The following MAB21L1 variants were observed in gnomAD, a reference collection of about 807,000 sequenced individuals.
MAB21L1 encodes mab-21 like 1, also known as putative nucleotidyltransferase MAB21L1.
A neutral mutation model predicts 28.9 loss-of-function variants in MAB21L1; 8 were observed. The observed-to-expected ratio is 0.28, with a 90% CI of 0.16 to 0.50. The LOEUF (loss-of-function observed/expected upper bound fraction) is 0.50, where lower values mean the gene tolerates loss of function less well. MAB21L1 is among the 20% of genes least tolerant of loss of function. MAB21L1 has a pLI of 0.98. For synonymous variants in MAB21L1, 219 were observed against 198.2 expected, an observed-to-expected ratio of 1.10 and a Z score of -0.88; for missense variants, 388 against 466.5, an observed-to-expected ratio of 0.83 and a Z score of 1.55.
rs1326154978 is a variant in MAB21L1 at position 35,476,234 on chromosome 13, C to T, written c.-96G>A. ...GCTGGAGCCAACTTCGGTGGAGAAA[C>T]GGGCCGCAACACTCAGAAATGGATC... is the stretch of plus-strand genomic sequence containing the variant. On this transcript the variant is annotated 5_prime_UTR_variant, in exon 1 of 1. Coordinates refer to ENST00000379919, the MANE Select transcript of MAB21L1 (RefSeq NM_005584.5). 2 of 1,574,880 alleles carry T rather than the reference C, an allele frequency of 1.3e-6. No homozygotes were observed. Among genetic ancestry groups the T allele is most frequent in the Admixed American group, 3.4e-5 (2 of 59,386 alleles).
At position 35,476,254 on chromosome 13, in the gene MAB21L1, T is replaced by C. The variant is rs1389100222; in HGVS notation, c.-116A>G. The C allele has an allele frequency of 1.3e-6, 2 of 1,532,088 alleles. No individual in the cohort carries two copies. The highest frequency in any genetic ancestry group is 1.8e-6 in the Non-Finnish European group (2 of 1,110,854). 94.9% of individuals were successfully genotyped at this position (1,532,088 alleles called of 1,614,324 possible). On this transcript the variant is annotated 5_prime_UTR_variant, in exon 1 of 1. Coordinates refer to ENST00000379919, the MANE Select transcript of MAB21L1 (RefSeq NM_005584.5). ...AGAAACGGGCCGCAACACTCAGAAA[T>C]GGATCAAAAATGCCTTTCGGAAGTG...
In MAB21L1 at chr13:35,474,781, T is replaced by C. The variant is rs1380998872; in HGVS notation, c.*278A>G. 8.2e-6 allele frequency: 3 copies of C among 364,516 alleles called. No individual in the cohort carries two copies. Among genetic ancestry groups the C allele is most frequent in the African/African-American group, 4.1e-5 (2 of 48,226 alleles). The allele number at this position is 364,516 out of a possible 1,614,324, so 22.6% of individuals were successfully genotyped here. On this transcript the variant is annotated 3_prime_UTR_variant, in exon 1 of 1. Transcript: ENST00000379919. The stretch of plus-strand genomic sequence containing the variant: ...GGTCTGGCGTTACAGCTGGGCTGTT[T>C]ACGGAGTGTTACGGTGTACTTTTCA...
In MAB21L1 at chr13:35,476,452, T is replaced by A. The variant is rs1366202942; in HGVS notation, c.-314A>T. The A allele has an allele frequency of 2.3e-6, 2 of 884,894 alleles. No individual in the cohort carries two copies. The highest frequency in any genetic ancestry group is 3.7e-6 in the Non-Finnish European group (2 of 545,716). The allele number at this position is 884,894 out of a possible 1,614,324, so 54.8% of individuals were successfully genotyped here. ...CTCTTCCTCTTTTAAAGAATCCTTGTGTGAGAGAACCGCATGGAGAGATCA... is the reference window on the plus strand; with the variant it reads ...CTCTTCCTCTTTTAAAGAATCCTTGAGTGAGAGAACCGCATGGAGAGATCA... On this transcript the variant is annotated 5_prime_UTR_variant, in exon 1 of 1. Coordinates refer to ENST00000379919, the MANE Select transcript of MAB21L1 (RefSeq NM_005584.5).
Position 35,476,058 on chromosome 13 carries a change from A to C in MAB21L1, c.81T>G (p.Ile27Met). The C allele has an allele frequency of 6.2e-7, 1 of 1,614,210 alleles. No homozygotes were observed. Among genetic ancestry groups the C allele is most frequent in the Non-Finnish European group, 8.5e-7 (1 of 1,180,038 alleles). ...NEKCQARKAA[I>M]AKTIREVCKV... is the part of the protein sequence containing the mutation. ...TGCAGACTTCCCGGATAGTTTTGGC[A>C]ATGGCAGCTTTCCTGGCTTGGCATT... The change falls in exon 1 of 1, where the codon ATT becomes ATG. Residue 27 changes from isoleucine to methionine, a missense_variant. Coordinates refer to ENST00000379919, the MANE Select transcript of MAB21L1 (RefSeq NM_005584.5).
Position 35,476,378 on chromosome 13 carries a change from G to T in MAB21L1, c.-240C>A. Reference sequence around the variant, plus strand: ...GCTTTTCCCTTCCTTTTATCTTTGAGCCCAGCCGTTCTTAAAGTGAAAGAC... The same window carrying T: ...GCTTTTCCCTTCCTTTTATCTTTGATCCCAGCCGTTCTTAAAGTGAAAGAC... On this transcript the variant is annotated 5_prime_UTR_variant, in exon 1 of 1. Transcript: ENST00000379919. The T allele has an allele frequency of 1.7e-6, 2 of 1,154,378 alleles. No individual in the cohort carries two copies. Among genetic ancestry groups the T allele is most frequent in the Admixed American group, 2.0e-5 (1 of 48,914 alleles). 71.5% of individuals were successfully genotyped at this position (1,154,378 alleles called of 1,614,324 possible). A position where few individuals can be genotyped will look rare whatever the true frequency, so the allele number is the denominator to read the frequency against.
rs1043071827 is a variant in MAB21L1, at chr13:35,476,394, A to C, written c.-256T>G. On this transcript the variant is annotated 5_prime_UTR_variant, in exon 1 of 1. Transcript: ENST00000379919. ...TATCTTTGAGCCCAGCCGTTCTTAA[A>C]GTGAAAGACTGTCCTCCCCCCTCTG... is the stretch of plus-strand genomic sequence containing the variant. The C allele has an allele frequency of 4.6e-6, 5 of 1,098,060 alleles. No homozygotes were observed. The highest frequency in any genetic ancestry group is 6.8e-6 in the Non-Finnish European group (5 of 734,708). 68.0% of individuals were successfully genotyped at this position (1,098,060 alleles called of 1,614,324 possible). A position where few individuals can be genotyped will look rare whatever the true frequency, so the allele number is the denominator to read the frequency against.
In MAB21L1 at chr13:35,476,315, C is replaced by CTGCTGCTGCTGT; in HGVS notation, c.-178_-177insACAGCAGCAGCA. ...GGTTTCCCTGCTGCTGCTGCTGCTG[C>CTGCTGCTGCTGT]TGCTGCTGCTGCTGCTGCTGCTGCT... is the stretch of plus-strand genomic sequence containing the variant. On this transcript the variant is annotated 5_prime_UTR_variant, in exon 1 of 1. Transcript: ENST00000379919. 1 of 924,158 alleles carries CTGCTGCTGCTGT rather than the reference C, an allele frequency of 1.1e-6. No homozygotes were observed. The highest frequency in any genetic ancestry group is 1.8e-5 in the South Asian group (1 of 56,240). The allele number at this position is 924,158 out of a possible 1,614,324, so 57.2% of individuals were successfully genotyped here. A position where few individuals can be genotyped will look rare whatever the true frequency, so the allele number is the denominator to read the frequency against.
Position 35,475,017 on chromosome 13 carries a change from T to A in MAB21L1, c.*42A>T. On this transcript the variant is annotated 3_prime_UTR_variant, in exon 1 of 1. Transcript: ENST00000379919. Reference sequence around the variant, plus strand: ...ACAGAAGTTTACACTTAATAAGGACTTTGAGAAGGGTAATAATTTCGGCTC... The same window carrying A: ...ACAGAAGTTTACACTTAATAAGGACATTGAGAAGGGTAATAATTTCGGCTC... The A allele has an allele frequency of 6.3e-7, 1 of 1,580,794 alleles. No individual in the cohort carries two copies. Among genetic ancestry groups the A allele is most frequent in the Non-Finnish European group, 8.6e-7 (1 of 1,162,290 alleles).
rs879091724 is a variant in MAB21L1 at position 35,474,697 on chromosome 13, T to G, written c.*362A>C. On this transcript the variant is annotated 3_prime_UTR_variant, in exon 1 of 1. Transcript: ENST00000379919. ...CAAATCGTGTTTACTCACAGACAGA[T>G]GCACCTAAATCACCAGGATTGCTAT... 1.0e-5 allele frequency: 2 copies of G among 191,764 alleles called. No homozygotes were observed. The highest frequency in any genetic ancestry group is 1.1e-4 in the Admixed American group (2 of 18,478). The allele number at this position is 191,764 out of a possible 1,614,324, so 11.9% of individuals were successfully genotyped here. A position where few individuals can be genotyped will look rare whatever the true frequency, so the allele number is the denominator to read the frequency against.
At position 35,475,408 on chromosome 13, in the gene MAB21L1, C is replaced by G. The variant is rs45556438; in HGVS notation, c.731G>C (p.Gly244Ala). The part of the protein sequence containing the change: ...FAEAENRLQM[G>A]GCRKKCLSIL... The stretch of plus-strand genomic sequence containing the variant: ...GGAGAGGCACTTCTTTCTGCAGCCC[C>G]CCATCTGCAGTCTGTTCTCTGCCTC... The change falls in exon 1 of 1, where the codon GGG becomes GCG. Residue 244 changes from glycine (G) to alanine (A), a missense_variant. Around this residue, in one of 3 missense-constraint regions of MAB21L1, gnomAD observed 218 missense variants for 220.6 expected, o/e 0.99. Transcript: ENST00000379919. 338 of 1,613,612 alleles carry G rather than the reference C, an allele frequency of 2.1e-4. No homozygotes were observed. The highest frequency in any genetic ancestry group is 2.5e-4 in the Non-Finnish European group (298 of 1,179,988).
At position 35,475,287 on chromosome 13, in the gene MAB21L1, C is replaced by T. The variant is rs150872535; in HGVS notation, c.852G>A (p.Lys284=). 8.1e-6 allele frequency: 13 copies of T among 1,614,044 alleles called. No homozygotes were observed. The Admixed American group carries it at 1.7e-4, about 21-fold the overall frequency. ...MKTLVSYECE[K]HPRESDWDES... Reference sequence around the variant, plus strand: ...CGTCCCAGTCCGACTCTCGGGGATGCTTTTCACACTCGTAGGAAACCAGAG... The same window carrying T: ...CGTCCCAGTCCGACTCTCGGGGATGTTTTTCACACTCGTAGGAAACCAGAG... The change falls in exon 1 of 1, where the codon AAG becomes AAA. Residue 284 remains lysine (K), a synonymous_variant. Coordinates refer to ENST00000379919, the MANE Select transcript of MAB21L1 (RefSeq NM_005584.5).
Position 35,476,557 on chromosome 13 carries a change from G to A in MAB21L1, c.-419C>T. 1 of 580,678 alleles carries A rather than the reference G, an allele frequency of 1.7e-6. No individual in the cohort carries two copies. The highest frequency in any genetic ancestry group is 3.0e-5 in the Admixed American group (1 of 32,982). 36.0% of individuals were successfully genotyped at this position (580,678 alleles called of 1,614,324 possible). A position where few individuals can be genotyped will look rare whatever the true frequency, so the allele number is the denominator to read the frequency against. On this transcript the variant is annotated 5_prime_UTR_variant, in exon 1 of 1. In the 5' UTR this introduces an upstream ATG that the reference lacks. Transcript: ENST00000379919. ...GTAGTCAAAATAAGCACCCCTTTCC[G>A]TATTTATTTGCGCTTTCCCGTAATC...
Position 35,474,095 on chromosome 13 carries a change from T to C in MAB21L1, c.*964A>G, listed in dbSNP as rs1010482414. 2 of 152,242 alleles carry C rather than the reference T, an allele frequency of 1.3e-5. No individual in the cohort carries two copies. Among genetic ancestry groups the C allele is most frequent in the African/African-American group, 2.4e-5 (1 of 41,442 alleles). 9.4% of individuals were successfully genotyped at this position (152,242 alleles called of 1,614,324 possible). ...TCTCCAATGTTTTATTTTTAAGGAT[T>C]TCATTAGCATATTTCTCAAAATATT... is the stretch of plus-strand genomic sequence containing the variant. On this transcript the variant is annotated 3_prime_UTR_variant, in exon 1 of 1. Coordinates refer to ENST00000379919, the MANE Select transcript of MAB21L1 (RefSeq NM_005584.5).
chr13:35,473,988 G>T lies in MAB21L1; in HGVS notation c.*1071C>A, dbSNP rs1376587318. On this transcript the variant is annotated 3_prime_UTR_variant, in exon 1 of 1. Coordinates refer to ENST00000379919, the MANE Select transcript of MAB21L1 (RefSeq NM_005584.5). ...TCAAAGGTAGATTTAAATTGTTTCTGTTGTAGAAAGGAATTGTCTTACAAG... is the reference window on the plus strand; with the variant it reads ...TCAAAGGTAGATTTAAATTGTTTCTTTTGTAGAAAGGAATTGTCTTACAAG... Among the ~76,000 whole-genome samples the T allele has an allele frequency of 6.6e-6, 1 of 152,050 alleles. No individual in the cohort carries two copies. Among genetic ancestry groups the T allele is most frequent in the Non-Finnish European group, 1.5e-5 (1 of 67,972 alleles).
Position 35,476,317 on chromosome 13 carries a change from G to A in MAB21L1, c.-179C>T, listed in dbSNP as rs1226716503. On this transcript the variant is annotated 5_prime_UTR_variant, in exon 1 of 1. Coordinates refer to ENST00000379919, the MANE Select transcript of MAB21L1 (RefSeq NM_005584.5). ...TTTCCCTGCTGCTGCTGCTGCTGCT[G>A]CTGCTGCTGCTGCTGCTGCTGCTGC... 4.0e-6 allele frequency: 4 copies of A among 993,916 alleles called. No homozygotes were observed. The highest frequency in any genetic ancestry group is 5.8e-6 in the Non-Finnish European group (4 of 693,362). The allele number at this position is 993,916 out of a possible 1,614,324, so 61.6% of individuals were successfully genotyped here. A position where few individuals can be genotyped will look rare whatever the true frequency, so the allele number is the denominator to read the frequency against.
chr13:35,475,762 C>G lies in MAB21L1; in HGVS notation c.377G>C (p.Arg126Pro). ...FITASGYLSA[R>P]KIRSRFQTLV... Reference sequence around the variant, plus strand: ...CGTCTGAAACCTGGACCGGATTTTGCGCGCCGAGAGGTAGCCGGAGGCGGT... The same window carrying G: ...CGTCTGAAACCTGGACCGGATTTTGGGCGCCGAGAGGTAGCCGGAGGCGGT... Residue 126 changes from arginine (R) to proline (P), a missense_variant, in exon 1 of 1, where the codon CGC (arginine) becomes CCC (proline). Physicochemically the swap from Arg to Pro is moderately radical, Grantham distance 103 (BLOSUM62 -2). Coordinates refer to ENST00000379919, the MANE Select transcript of MAB21L1 (RefSeq NM_005584.5). 6.2e-7 allele frequency: 1 copy of G among 1,613,854 alleles called. No individual in the cohort carries two copies. The highest frequency in any genetic ancestry group is 8.5e-7 in the Non-Finnish European group (1 of 1,179,936).
chr13:35,475,824 C>T lies in MAB21L1; in HGVS notation c.315G>A (p.Gly105=). Residue 105 remains glycine (G), a synonymous_variant, in exon 1 of 1, where the codon GGG becomes GGA. Coordinates refer to ENST00000379919, the MANE Select transcript of MAB21L1 (RefSeq NM_005584.5). ...CCCAGAGGGACATGCTCCTCTTGCG[C>T]CCGTCGCTCAACTTCAGCACCGCGC... ...PGCAVLKLSD[G]RKRSMSLWVE... is the part of the protein sequence containing the mutation. The T allele has an allele frequency of 6.2e-7, 1 of 1,613,982 alleles. No homozygotes were observed. Among genetic ancestry groups the T allele is most frequent in the Non-Finnish European group, 8.5e-7 (1 of 1,180,008 alleles).
rs1260096265 is a variant in MAB21L1 at position 35,474,718 on chromosome 13, G to GC, written c.*340dup. 2.2e-5 allele frequency: 5 copies of GC among 222,506 alleles called. No homozygotes were observed. In the Admixed American group the frequency reaches 2.6e-4, roughly 11 times the overall value. 13.8% of individuals were successfully genotyped at this position (222,506 alleles called of 1,614,324 possible). A position where few individuals can be genotyped will look rare whatever the true frequency, so the allele number is the denominator to read the frequency against. The stretch of plus-strand genomic sequence containing the variant: ...CAGATGCACCTAAATCACCAGGATT[G>GC]CTATAATCCTTTGATAGTTAGGCAG... On this transcript the variant is annotated 3_prime_UTR_variant, in exon 1 of 1. Transcript: ENST00000379919.
chr13:35,474,917 G>T lies in MAB21L1; in HGVS notation c.*142C>A. 9.2e-7 allele frequency: 1 copy of T among 1,086,146 alleles called. No homozygotes were observed. The highest frequency in any genetic ancestry group is 1.3e-6 in the Non-Finnish European group (1 of 757,714). The allele number at this position is 1,086,146 out of a possible 1,614,324, so 67.3% of individuals were successfully genotyped here. On this transcript the variant is annotated 3_prime_UTR_variant, in exon 1 of 1. Transcript: ENST00000379919. The stretch of plus-strand genomic sequence containing the variant: ...CCCTTGTGGGGGTGGGTGAGATGAT[G>T]TTTAAATATTGTATTATTATTCCTT...
Sources: allele counts gnomAD v4.1 joint callset (sites outside exome capture counted in the v4.1 genomes callset), GRCh38; gene constraint gnomAD v4.1.1; regional missense constraint gnomAD v4.1.1; transcripts MANE v1.5; gene names NCBI Gene and HGNC (gene_info 2026-07-23, HGNC 2026-07-21).